TSC2: variants seen among roughly 807,000 people sequenced by gnomAD.
TSC2 encodes tuberin.
Under a neutral mutation model 202.2 loss-of-function variants are expected in TSC2, and 29 were observed. That is an observed-to-expected ratio of 0.14 (90% CI 0.11 to 0.20). The LOEUF is 0.20. TSC2 is among the 10% of genes least tolerant of loss of function. The pLI is 1.00. For synonymous variants in TSC2, 1,349 were observed against 1,044.0 expected (o/e 1.29, Z -5.63); for missense variants, 2,429 against 2,420.0 (o/e 1.00, Z -0.08).
intron 16 of TSC2, among the ~76,000 whole-genome samples, 174 bp downstream of exon 16, chr16:2,065,809 G>T (rs1448996816): frequency 6.6e-6 from 1 of 152,210 alleles, no homozygotes; most frequent in Non-Finnish European, 1.5e-5. Context: ...CTTGTGGAGG[G>T]ATGGATGCAA....
In TSC2 at chr16:2,088,865, TCGCG is replaced by T. The variant is rs1178168657; in HGVS notation, c.*258_*261del. The T allele has an allele frequency of 1.2e-3, 623 of 526,576 alleles. 5 individuals are homozygous for T. In the African/African-American group the frequency reaches 0.014, roughly 12 times the overall value. The allele number at this position is 526,576 out of a possible 1,614,324, so 32.6% of individuals were successfully genotyped here. A position where few individuals can be genotyped will look rare whatever the true frequency, so the allele number is the denominator to read the frequency against. ...AGGCTGCCTGGGCCATACAGCACAC[TCGCG>T]CGTGCGCGCGCGCACACACACACAC... is the stretch of plus-strand genomic sequence containing the variant. On this transcript the variant is annotated 3_prime_UTR_variant, in exon 42 of 42. Coordinates refer to ENST00000219476, the MANE Select transcript of TSC2 (RefSeq NM_000548.5).
intron 5 of TSC2, chr16:2,055,194 G>A: frequency 1.6e-6 from 1 of 641,722 alleles, no homozygotes; most frequent in Non-Finnish European, 2.8e-6. Context: ...AGGGGCGGTA[G>A]ATCCTAGTGT....
chr16:2,088,121 G>A lies in TSC2; in HGVS notation c.5142G>A (p.Gln1714=), dbSNP rs147147042. The change falls in exon 40 of 42, where the codon CAG becomes CAA. Residue 1714 remains glutamine (Q), a synonymous_variant. Transcript: ENST00000219476. ...GCAACCTGCCCTTCGTGGCCCGCCA[G>A]ATGGCCCTGCACGCAAATGTGAGTG... ...SDRNLPFVAR[Q]MALHANMASQ... The A allele has an allele frequency of 1.6e-4, 256 of 1,612,982 alleles. No homozygotes were observed. The highest frequency in any genetic ancestry group is 2.0e-4 in the Non-Finnish European group (239 of 1,180,006).
At chr16:2,083,090 G>A (rs2090333218) in intron 32 of TSC2, 11 of 455,176 alleles carry the variant, frequency 2.4e-5, no homozygotes, top group South Asian at 1.4e-4. Context: ...GGCTGACTGC[G>A]CGTGTGCAGG....
rs746315218 is a variant in TSC2 at position 2,071,872 on chromosome 16, G to C, written c.2035G>C (p.Val679Leu). 1.3e-6 allele frequency: 2 copies of C among 1,596,052 alleles called. No homozygotes were observed. Among genetic ancestry groups the C allele is most frequent in the Non-Finnish European group, 1.7e-6 (2 of 1,171,990 alleles). The change falls in exon 19 of 42, where the codon GTG becomes CTG. Residue 679 changes from valine to leucine, a missense_variant. Physicochemically the swap from Val to Leu is conservative, Grantham distance 32 (BLOSUM62 1). Coordinates refer to ENST00000219476, the MANE Select transcript of TSC2 (RefSeq NM_000548.5). ...TGGCCCGGCGCCTGCAGGCCCCGCCGTGCGGCTGGGGTCCGTGCCCTACTC... is the reference window on the plus strand; with the variant it reads ...TGGCCCGGCGCCTGCAGGCCCCGCCCTGCGGCTGGGGTCCGTGCCCTACTC... ...PPGPAPAGPA[V>L]RLGSVPYSLL... is the part of the protein sequence containing the mutation.
At chr16:2,087,023 C>A (rs2151592851) in intron 38 of TSC2, 152 bp downstream of exon 38, 1 of 1,207,534 alleles carries the variant, frequency 8.3e-7, no homozygotes, top group East Asian at 2.6e-5. Flanking sequence ...GAGCTTCACC[C>A]CGAGCCTGCG....
At position 2,084,488 on chromosome 16, in the gene TSC2, C is replaced by A; in HGVS notation, c.4266C>A (p.Thr1422=). ...TTAAGGCCCGGTCACAGTCAGGGAC[C>A]CTGGACGGGGAAAGTGCTGCCTGGT... ...PEVKARSQSG[T]LDGESAAWSA... is the part of the protein sequence containing the mutation. Residue 1422 remains threonine (T), a synonymous_variant, in exon 34 of 42, where the codon ACC becomes ACA. Coordinates refer to ENST00000219476, the MANE Select transcript of TSC2 (RefSeq NM_000548.5). The A allele has an allele frequency of 6.2e-7, 1 of 1,609,214 alleles. No individual in the cohort carries two copies. Among genetic ancestry groups the A allele is most frequent in the Non-Finnish European group, 8.5e-7 (1 of 1,178,652 alleles).
Position 2,056,504 on chromosome 16 carries a change from T to C in TSC2, c.649-140T>C, listed in dbSNP as rs1332460937. On this transcript the variant is annotated intron_variant, in intron 7 of 41. Transcript: ENST00000219476. ...GTGCTTCCCACATGCCCGCTTGCCC[T>C]GTGGCTTGGAGAGAGGGTGCCATGG... 5 of 1,341,968 alleles carry C rather than the reference T, an allele frequency of 3.7e-6. No homozygotes were observed. The African/African-American group carries it at 5.8e-5, about 15-fold the overall frequency. 83.1% of individuals were successfully genotyped at this position (1,341,968 alleles called of 1,614,324 possible). A position where few individuals can be genotyped will look rare whatever the true frequency, so the allele number is the denominator to read the frequency against.
intron 20 of TSC2, 113 bp downstream of exon 20, chr16:2,072,476 C>A: frequency 6.6e-7 from 1 of 1,503,828 alleles, no homozygotes; most frequent in Non-Finnish European, 9.0e-7. Context: ...CTCCATTTCC[C>A]TCAAACTCAG....
Position 2,086,840 on chromosome 16 carries a change from C to CCGG in TSC2, c.4959_4961dup (p.Gly1654dup). 6.2e-7 allele frequency: 1 copy of CCGG among 1,604,130 alleles called. No homozygotes were observed. Among genetic ancestry groups the CCGG allele is most frequent in the Non-Finnish European group, 8.5e-7 (1 of 1,176,182 alleles). ...TTTGTGTCCATTGTCTACAATGACT[C>CCGG]CGGTGAGGACTTCAAGCTTGGCACC... is the stretch of plus-strand genomic sequence containing the variant. On this transcript the variant is annotated inframe_insertion, in exon 38 of 42. Transcript: ENST00000219476.
chr16:2,081,413 G>A (rs903118616), intron 30 of TSC2, 182 bp from the exon 31 acceptor site: 4 of 770,974 alleles, frequency 5.2e-6, no homozygotes, highest in South Asian at 1.5e-5. Flanking sequence ...CGAGGCAGGG[G>A]CTGAGCGGGG....
At chr16:2,058,913 G>A (rs1458161257) in intron 10 of TSC2, 40 bp downstream of exon 10, 1 of 1,594,482 alleles carries the variant, frequency 6.3e-7, no homozygotes, top group Non-Finnish European at 8.5e-7. Context: ...GCAGGAACGG[G>A]AGAGCTCCCC....
At chr16:2,055,085 G>C (rs1445079899) in intron 5 of TSC2, 1 of 445,514 alleles carries the variant, frequency 2.2e-6, no homozygotes, top group African/African-American at 2.0e-5. Context: ...ACGCCCAGGA[G>C]TCTGGTGATG....
chr16:2,056,991 G>T (rs995613216), intron 8 of TSC2, 114 bp from the exon 9 acceptor site: 4 of 1,437,556 alleles, frequency 2.8e-6, no homozygotes, highest in African/African-American at 1.4e-5. Context: ...ATGGTGGCGA[G>T]CTGGCCGGAC....
chr16:2,088,881 G>GCGCGCACA lies in TSC2; in HGVS notation c.*272_*273insGCGCACAC, dbSNP rs142285430. The GCGCGCACA allele has an allele frequency of 1.1e-3, 480 of 421,436 alleles. 2 individuals are homozygous for GCGCGCACA. The highest frequency in any genetic ancestry group is 2.3e-3 in the Admixed American group (57 of 25,032). The allele number at this position is 421,436 out of a possible 1,614,324, so 26.1% of individuals were successfully genotyped here. A position where few individuals can be genotyped will look rare whatever the true frequency, so the allele number is the denominator to read the frequency against. ...ACAGCACACTCGCGCGTGCGCGCGC[G>GCGCGCACA]CACACACACACACACACAGTCACCT... On this transcript the variant is annotated 3_prime_UTR_variant, in exon 42 of 42. Coordinates refer to ENST00000219476, the MANE Select transcript of TSC2 (RefSeq NM_000548.5).
At chr16:2,080,928 A>T in intron 30 of TSC2, 1 of 168,934 alleles carries the variant, frequency 5.9e-6, no homozygotes, top group Non-Finnish European at 1.3e-5. Flanking sequence ...GTCCGAGACC[A>T]AGGTGCTCCT....
At chr16:2,054,254 G>A (rs373827906) in intron 4 of TSC2, 42 bp from the exon 5 acceptor site, 128 of 1,613,704 alleles carry the variant, frequency 7.9e-5, no homozygotes, top group Non-Finnish European at 1.0e-4. Flanking sequence ...CCGTGTGGGC[G>A]ACGCTGGCAG....
At chr16:2,088,346 T>C (rs746755160) in intron 41 of TSC2, 21 bp downstream of exon 41, 2 of 1,612,452 alleles carry the variant, frequency 1.2e-6, no homozygotes, top group South Asian at 2.2e-5. Context: ...TGGGGCTCCC[T>C]CAGCGGGGTG....
In TSC2 at chr16:2,071,845, C is replaced by T. The variant is rs1338802781; in HGVS notation, c.2008C>T (p.Pro670Ser). The T allele has an allele frequency of 6.3e-7, 1 of 1,581,566 alleles. No homozygotes were observed. Among genetic ancestry groups the T allele is most frequent in the East Asian group, 2.3e-5 (1 of 42,994 alleles). The change falls in exon 19 of 42, where the codon CCT becomes TCT. Residue 670 changes from proline to serine, a missense_variant. Physicochemically the swap from Pro to Ser is moderately conservative, Grantham distance 74 (BLOSUM62 -1). Coordinates refer to ENST00000219476, the MANE Select transcript of TSC2 (RefSeq NM_000548.5). ...SGPLSPPTGPPGPAPAGPAVR... is the reference protein window; with the variant it reads ...SGPLSPPTGPSGPAPAGPAVR... Reference sequence around the variant, plus strand: ...CCCCCTTTCTCCTCCCACAGGGCCTCCTGGCCCGGCGCCTGCAGGCCCCGC... The same window carrying T: ...CCCCCTTTCTCCTCCCACAGGGCCTTCTGGCCCGGCGCCTGCAGGCCCCGC...
Sources: allele counts gnomAD v4.1 joint callset (sites outside exome capture counted in the v4.1 genomes callset), GRCh38; gene constraint gnomAD v4.1.1; transcripts MANE v1.5; gene names NCBI Gene and HGNC (gene_info 2026-07-23, HGNC 2026-07-21).